Variants in USP48 observed in about 807,000 individuals in gnomAD.
The protein encoded by USP48 is ubiquitin specific peptidase 48.
A neutral mutation model predicts 150.7 loss-of-function variants in USP48; 43 were observed. The observed-to-expected ratio is 0.29, with a 90% confidence interval of 0.22 to 0.37. The LOEUF (loss-of-function observed/expected upper bound fraction) is 0.37. USP48 is among the 10% of genes least tolerant of loss of function. USP48 has a pLI of 1.00. For missense variants in USP48, 813 were observed against 1,249.6 expected (o/e 0.65, Z 5.27); for synonymous variants, 396 against 425.9 (o/e 0.93, Z 0.86).
intron 1 of USP48, among the ~76,000 whole-genome samples, chr1:21,763,950 G>C (rs17424747): frequency 0.072 from 10,893 of 152,216 alleles, 471 homozygotes; most frequent in Middle Eastern, 0.11. Context: ...CAACCACAGA[G>C]GGCTGTAGCC....
intron 22 of USP48, among the ~76,000 whole-genome samples, chr1:21,699,717 T>C (rs2097649582): frequency 6.6e-6 from 1 of 151,874 alleles, no homozygotes; most frequent in Non-Finnish European, 1.5e-5. Context: ...GGTTTCACTA[T>C]GTTGGCCAGG....
chr1:21,748,991 ATTTG>A (rs1000741794), intron 6 of USP48, among the ~76,000 whole-genome samples: 11 of 152,348 alleles, frequency 7.2e-5, no homozygotes, highest in Non-Finnish European at 1.6e-4. Flanking sequence ...TTATATACAT[ATTTG>A]TTTAAAATTA....
intron 9 of USP48, among the ~76,000 whole-genome samples, chr1:21,731,713 T>C (rs576074364): frequency 2.8e-4 from 42 of 152,012 alleles, no homozygotes; most frequent in Admixed American, 6.5e-4. Context: ...AAAGCCCGTA[T>C]CTACTAAAAC....
chr1:21,754,181 T>C (rs534567776), intron 3 of USP48, among the ~76,000 whole-genome samples: 5 of 150,824 alleles, frequency 3.3e-5, no homozygotes, highest in South Asian at 2.1e-4. Context: ...AAAAAAGAAA[T>C]AGAATTAGCA....
At chr1:21,762,173 G>C (rs1294453778) in intron 1 of USP48, among the ~76,000 whole-genome samples, 2 of 152,116 alleles carry the variant, frequency 1.3e-5, no homozygotes, top group Non-Finnish European at 2.9e-5. Context: ...AGGCTGAAGT[G>C]AGAGAACCGC....
chr1:21,730,551 G>A lies in USP48; in HGVS notation c.1172-719C>T, dbSNP rs542144835. On this transcript the variant is annotated intron_variant, in intron 9 of 26. Coordinates refer to ENST00000308271, the MANE Select transcript of USP48 (RefSeq NM_032236.8). Reference sequence around the variant, plus strand: ...CTGTCTAAAAACACAAAAATTAGTCGGGCATGTTGGCACATGCCTGTAATC... The same window carrying A: ...CTGTCTAAAAACACAAAAATTAGTCAGGCATGTTGGCACATGCCTGTAATC... 3.3e-5 allele frequency among the ~76,000 whole-genome samples: 5 copies of A among 151,406 alleles called. No homozygotes were observed. The East Asian group carries it at 8.0e-4, about 24-fold the overall frequency.
chr1:21,690,246 T>C, intron 23 of USP48, 147 bp from the exon 24 acceptor site: 1 of 950,592 alleles, frequency 1.1e-6, no homozygotes, highest in Non-Finnish European at 1.5e-6. Context: ...GCCTACTTGT[T>C]ATACTCCTAC....
intron 3 of USP48, among the ~76,000 whole-genome samples, chr1:21,756,000 T>C (rs1313231881): frequency 1.3e-5 from 2 of 151,894 alleles, no homozygotes; most frequent in Non-Finnish European, 2.9e-5. Flanking sequence ...ACCCCGTCTC[T>C]ACTAAAAATA....
At chr1:21,755,218 T>TA (rs1357805672) in intron 3 of USP48, among the ~76,000 whole-genome samples, 6 of 152,172 alleles carry the variant, frequency 3.9e-5, no homozygotes, top group Middle Eastern at 3.4e-3. Flanking sequence ...ATCTTCAAAA[T>TA]AAAGATAAAA....
At chr1:21,745,445 GGCCTGGTGGAATAT>G (rs1247250384) in intron 8 of USP48, among the ~76,000 whole-genome samples, 1 of 152,028 alleles carries the variant, frequency 6.6e-6, no homozygotes, top group African/African-American at 2.4e-5. Context: ...AAATTAGCTG[GGCCTGGTGGAATAT>G]GCCTGTAGTT....
chr1:21,694,604 A>AC (rs2097619267), intron 23 of USP48, among the ~76,000 whole-genome samples: 1 of 74,610 alleles, frequency 1.3e-5, no homozygotes, highest in African/African-American at 3.9e-5. Context: ...AAAAAAAAAA[A>AC]AAACCCCCTC....
At chr1:21,705,346 C>G (rs534844488) in intron 19 of USP48, among the ~76,000 whole-genome samples, 1 of 152,240 alleles carries the variant, frequency 6.6e-6, no homozygotes, top group South Asian at 2.1e-4. Flanking sequence ...GCTCTGCCAC[C>G]CTGCTAGCCT....
intron 14 of USP48, among the ~76,000 whole-genome samples, chr1:21,718,198 T>G (rs1238086831): frequency 6.6e-6 from 1 of 152,184 alleles, no homozygotes; most frequent in African/African-American, 2.4e-5. Flanking sequence ...TACATAGTCA[T>G]GTAAAAAATT....
chr1:21,693,084 C>T (rs761313724), intron 23 of USP48, among the ~76,000 whole-genome samples: 15 of 151,998 alleles, frequency 9.9e-5, no homozygotes, highest in Admixed American at 9.8e-4. Flanking sequence ...AATATAGAAG[C>T]GATCGCCTCA....
At chr1:21,697,409 A>G (rs1328921079) in intron 22 of USP48, among the ~76,000 whole-genome samples, 1 of 152,150 alleles carries the variant, frequency 6.6e-6, no homozygotes, top group South Asian at 2.1e-4. Flanking sequence ...CATGCCTGTA[A>G]TCCCAGCACT....
At chr1:21,780,640 A>C (rs1329315901) in intron 1 of USP48, among the ~76,000 whole-genome samples, 1 of 152,204 alleles carries the variant, frequency 6.6e-6, no homozygotes, top group Non-Finnish European at 1.5e-5. Context: ...AATCAGTCAC[A>C]AAAGTCCACG....
chr1:21,748,054 A>G, intron 7 of USP48, 84 bp downstream of exon 7: 6 of 1,327,248 alleles, frequency 4.5e-6, no homozygotes, highest in Non-Finnish European at 4.9e-6. Flanking sequence ...TCAAATTACA[A>G]CCATTTTATC....
At chr1:21,713,996 T>G (rs111462217) in intron 15 of USP48, among the ~76,000 whole-genome samples, 2,584 of 152,232 alleles carry the variant, frequency 0.017, 42 homozygotes, top group African/African-American at 0.037. Context: ...TGCAGTGAGA[T>G]AATCCAGAAT....
At chr1:21,773,637 T>C (rs1186629525) in intron 1 of USP48, among the ~76,000 whole-genome samples, 1 of 152,246 alleles carries the variant, frequency 6.6e-6, no homozygotes, top group African/African-American at 2.4e-5. Flanking sequence ...ACACTCACTC[T>C]AGAGGACCAG....
Sources: allele counts gnomAD v4.1 joint callset (sites outside exome capture counted in the v4.1 genomes callset), GRCh38; gene constraint gnomAD v4.1.1; transcripts MANE v1.5; gene names NCBI Gene and HGNC (gene_info 2026-07-23, HGNC 2026-07-21).